Variants in SYNJ2 observed in about 807,000 individuals in gnomAD.
SYNJ2 encodes the protein polyphosphatidylinositol phosphatase SYNJ2.
Under a neutral mutation model 141.3 loss-of-function variants are expected in SYNJ2, and 116 were observed. That is an observed-to-expected ratio of 0.82 (90% CI 0.71 to 0.96). The LOEUF (loss-of-function observed/expected upper bound fraction) is 0.96, where lower values mean the gene tolerates loss of function less well. Ranked by LOEUF, SYNJ2 falls within the 40% of genes least tolerant of loss-of-function variation. The pLI is 0.00. For synonymous variants in SYNJ2, 745 were observed against 777.7 expected (o/e 0.96, Z 0.70); for missense variants, 1,873 against 1,934.8 (o/e 0.97, Z 0.60).
Position 158,063,813 on chromosome 6 carries a change from A to C in SYNJ2, c.1150A>C (p.Met384Leu), listed in dbSNP as rs149231494. The C allele has an allele frequency of 3.0e-5, 49 of 1,613,634 alleles. No homozygotes were observed. In the African/African-American group the frequency reaches 6.1e-4, roughly 20 times the overall value. The stretch of plus-strand genomic sequence containing the variant: ...AAGTTTTCAGAAAGGCACTTTGCGG[A>C]TGAACTGTCTTGACTGCCTGGACCG... Reference protein sequence around the residue: ...SPRFQKGTLRMNCLDCLDRTN... With the variant: ...SPRFQKGTLRLNCLDCLDRTN... The change falls in exon 9 of 27, where the codon ATG (methionine) becomes CTG (leucine). Residue 384 changes from methionine (M) to leucine (L), a missense_variant. Transcript: ENST00000355585.
chr6:158,084,647 A>G lies in SYNJ2; in HGVS notation c.3208+473A>G, dbSNP rs1480052519. On this transcript the variant is annotated intron_variant, in intron 22 of 26. Coordinates refer to ENST00000355585, the MANE Select transcript of SYNJ2 (RefSeq NM_003898.4). This position sits in a 1 kb window ranked among gnomAD's most constrained non-coding sequence, Gnocchi z 5.0. ...TGGTGAAACCCTGTCTCTACTAAAA[A>G]TATTTTTTAAAAATTAGCAGGGCAT... 6.6e-6 allele frequency among the ~76,000 whole-genome samples: 1 copy of G among 152,126 alleles called. No individual in the cohort carries two copies. Among genetic ancestry groups the G allele is most frequent in the East Asian group, 1.9e-4 (1 of 5,164 alleles).
Position 158,062,100 on chromosome 6 carries a change from C to T in SYNJ2, c.1063C>T (p.Pro355Ser). The T allele has an allele frequency of 6.2e-7, 1 of 1,614,118 alleles. No individual in the cohort carries two copies. The highest frequency in any genetic ancestry group is 8.5e-7 in the Non-Finnish European group (1 of 1,180,030). Reference protein sequence around the residue: ...KLEKLETLLRPQLKLHWEDFD... With the variant: ...KLEKLETLLRSQLKLHWEDFD... Reference sequence around the variant, plus strand: ...AGAGAAATTGGAGACCCTCTTGAGGCCACAGTTAAAGCTGCACTGGGAAGA... The same window carrying T: ...AGAGAAATTGGAGACCCTCTTGAGGTCACAGTTAAAGCTGCACTGGGAAGA... Residue 355 changes from proline to serine, a missense_variant, in exon 8 of 27, where the codon CCA becomes TCA. Physicochemically the swap from Pro to Ser is moderately conservative, Grantham distance 74. Transcript: ENST00000355585.
chr6:158,052,206 A>G (rs1780608147), intron 5 of SYNJ2, among the ~76,000 whole-genome samples: 1 of 152,226 alleles, frequency 6.6e-6, no homozygotes, highest in Non-Finnish European at 1.5e-5. Flanking sequence ...GCAAAACTAA[A>G]GAGTGCATTT....
rs143368442 is a variant in SYNJ2, at chr6:158,067,080, G to T, written c.1717+445G>T. Among the ~76,000 whole-genome samples, 172 of 152,268 alleles carry T rather than the reference G, an allele frequency of 1.1e-3. 2 individuals carry two copies. Among genetic ancestry groups the T allele is most frequent in the African/African-American group, 3.9e-3 (163 of 41,556 alleles). On this transcript the variant is annotated intron_variant, in intron 12 of 26. Coordinates refer to ENST00000355585, the MANE Select transcript of SYNJ2 (RefSeq NM_003898.4). Reference sequence around the variant, plus strand: ...GTCACCCAGGCTAGAGTGTAGTGACGCAATCTCGGCTCACTGCAACCTCCA... The same window carrying T: ...GTCACCCAGGCTAGAGTGTAGTGACTCAATCTCGGCTCACTGCAACCTCCA...
In SYNJ2 at chr6:158,098,631, T is replaced by C. The variant is rs554087964; in HGVS notation, c.*2267T>C. On this transcript the variant is annotated 3_prime_UTR_variant, in exon 27 of 27. Coordinates refer to ENST00000355585, the MANE Select transcript of SYNJ2 (RefSeq NM_003898.4). ...ATTCCCAGGTCAGCAGCAGGGTTGATTAAATAATCTTGACAATGAGCAGCT... is the reference window on the plus strand; with the variant it reads ...ATTCCCAGGTCAGCAGCAGGGTTGACTAAATAATCTTGACAATGAGCAGCT... 6.6e-6 allele frequency: 1 copy of C among 152,316 alleles called. No homozygotes were observed. The highest frequency in any genetic ancestry group is 2.4e-5 in the African/African-American group (1 of 41,568). 9.4% of individuals were successfully genotyped at this position (152,316 alleles called of 1,614,324 possible).
At chr6:157,984,535 C>T (rs1777127989) in intron 1 of SYNJ2, among the ~76,000 whole-genome samples, 1 of 152,124 alleles carries the variant, frequency 6.6e-6, no homozygotes, top group Admixed American at 6.5e-5. Context: ...TCCCCAGTAG[C>T]TAGGATTACA....
At chr6:158,061,915 C>T in intron 7 of SYNJ2, 77 bp from the exon 8 acceptor site, 1 of 1,472,182 alleles carries the variant, frequency 6.8e-7, no homozygotes. Context: ...CCGCACGGGT[C>T]AAGCTCTGCA....
At chr6:158,080,032 G>C (rs1425159972) in intron 18 of SYNJ2, among the ~76,000 whole-genome samples, 1 of 152,168 alleles carries the variant, frequency 6.6e-6, no homozygotes, top group African/African-American at 2.4e-5. Context: ...AATTTATAGA[G>C]TAATAACCAT....
rs546631701 is a variant in SYNJ2 at position 158,055,110 on chromosome 6, C to T, written c.857+82C>T. 287 of 1,489,626 alleles carry T rather than the reference C, an allele frequency of 1.9e-4. 2 individuals carry two copies. The South Asian group carries it at 3.1e-3, about 16-fold the overall frequency. 92.3% of individuals were successfully genotyped at this position (1,489,626 alleles called of 1,614,324 possible). ...CCCATCAGACACAAGGGAGAGGGTG[C>T]GACGGGAAAGGGAGGACCCTGAACC... On this transcript the variant is annotated intron_variant, in intron 6 of 26. Coordinates refer to ENST00000355585, the MANE Select transcript of SYNJ2 (RefSeq NM_003898.4).
chr6:158,081,287 A>G lies in SYNJ2; in HGVS notation c.2746A>G (p.Met916Val). Residue 916 changes from methionine to valine, a missense_variant, in exon 19 of 27, where the codon ATG becomes GTG. Coordinates refer to ENST00000355585, the MANE Select transcript of SYNJ2 (RefSeq NM_003898.4). The stretch of plus-strand genomic sequence containing the variant: ...TCCAGAGGACCTGCGTACTGAGCTC[A>G]TGCAGACCTTGGGGAGTTATGGGAC... ...EFPEDLRTELMQTLGSYGTIV... is the reference protein window; with the variant it reads ...EFPEDLRTELVQTLGSYGTIV... The G allele has an allele frequency of 1.2e-6, 2 of 1,613,062 alleles. No homozygotes were observed. Among genetic ancestry groups the G allele is most frequent in the Non-Finnish European group, 1.7e-6 (2 of 1,179,018 alleles).
At chr6:158,031,333 C>T (rs942626886) in intron 3 of SYNJ2, among the ~76,000 whole-genome samples, 65 of 152,334 alleles carry the variant, frequency 4.3e-4, no homozygotes, top group African/African-American at 1.3e-3. Flanking sequence ...GTTCTCTTCC[C>T]TATGCCAGCT....
At chr6:158,061,645 G>A (rs943316481) in intron 7 of SYNJ2, among the ~76,000 whole-genome samples, 3 of 152,096 alleles carry the variant, frequency 2.0e-5, no homozygotes, top group African/African-American at 7.2e-5. Flanking sequence ...TGGGGCACCT[G>A]GGCCACCTGA....
intron 2 of SYNJ2, among the ~76,000 whole-genome samples, chr6:158,026,019 G>A (rs1476388543): frequency 7.1e-6 from 1 of 140,962 alleles, no homozygotes; most frequent in Non-Finnish European, 1.6e-5. Flanking sequence ...ATACATACAG[G>A]GTACAGCAAA....
At position 158,071,980 on chromosome 6, in the gene SYNJ2, G is replaced by C. The variant is rs1461652193; in HGVS notation, c.2133+186G>C. On this transcript the variant is annotated intron_variant, in intron 15 of 26. Transcript: ENST00000355585. This position sits in a 1 kb window ranked among gnomAD's most constrained non-coding sequence, Gnocchi z 4.3. ...ATTGACCTGGGGCAGGGTTAGCCAC[G>C]TGCCTGGAGGGGGCCAGCTTTGCAG... Among the ~76,000 whole-genome samples the C allele has an allele frequency of 6.6e-6, 1 of 152,222 alleles. No individual in the cohort carries two copies. Among genetic ancestry groups the C allele is most frequent in the Non-Finnish European group, 1.5e-5 (1 of 68,038 alleles).
At chr6:158,051,687 C>G (rs1362442727) in intron 5 of SYNJ2, among the ~76,000 whole-genome samples, 5 of 151,656 alleles carry the variant, frequency 3.3e-5, no homozygotes, top group African/African-American at 1.2e-4. Context: ...TGGCTCAAGC[C>G]TGTAATCTCA....
intron 1 of SYNJ2, among the ~76,000 whole-genome samples, chr6:158,005,112 C>T (rs1235675058): frequency 6.9e-6 from 1 of 145,184 alleles, no homozygotes; most frequent in Admixed American, 6.9e-5. Flanking sequence ...CAGTCTTGCT[C>T]TGTCGCCCAG....
intron 3 of SYNJ2, 127 bp downstream of exon 3, chr6:158,029,153 T>C: frequency 7.8e-7 from 1 of 1,286,562 alleles, no homozygotes. Flanking sequence ...TCTGGAGAGT[T>C]AGGACCCAGG....
intron 5 of SYNJ2, among the ~76,000 whole-genome samples, chr6:158,054,143 A>C (rs1780732115): frequency 6.7e-6 from 1 of 149,928 alleles, no homozygotes; most frequent in Non-Finnish European, 1.5e-5. Context: ...CTACCCATCC[A>C]CCCATCTATC....
Position 158,043,941 on chromosome 6 carries a change from C to T in SYNJ2, c.795+542C>T, listed in dbSNP as rs1260448335. On this transcript the variant is annotated intron_variant, in intron 5 of 26. Transcript: ENST00000355585. This position sits in a 1 kb window ranked among gnomAD's most constrained non-coding sequence, Gnocchi z 4.0. Reference sequence around the variant, plus strand: ...CCAGAGAGATTTGGCATTCTTTCTCCTGGGAAGAGCACAGGGTGGGGACAC... The same window carrying T: ...CCAGAGAGATTTGGCATTCTTTCTCTTGGGAAGAGCACAGGGTGGGGACAC... Among the ~76,000 whole-genome samples the T allele has an allele frequency of 1.3e-5, 2 of 152,194 alleles. No individual in the cohort carries two copies. Among genetic ancestry groups the T allele is most frequent in the African/African-American group, 4.8e-5 (2 of 41,450 alleles).
Sources: allele counts gnomAD v4.1 joint callset (sites outside exome capture counted in the v4.1 genomes callset), GRCh38; gene constraint gnomAD v4.1.1; non-coding constraint Gnocchi (gnomAD v3.1); transcripts MANE v1.5; gene names NCBI Gene and HGNC (gene_info 2026-07-23, HGNC 2026-07-21).